The following ITFG1 variants were observed in gnomAD, a reference collection of about 807,000 sequenced individuals.
ITFG1 encodes T-cell immunomodulatory protein.
ITFG1 carries 34 observed loss-of-function variants against 81.8 expected under a neutral mutation model. That is an observed-to-expected ratio of 0.42 (90% CI 0.32 to 0.55). The LOEUF is 0.55. Ranked by LOEUF, ITFG1 falls within the 20% of genes least tolerant of loss-of-function variation. ITFG1 has a pLI of 0.17. For synonymous variants in ITFG1, 285 were observed against 270.6 expected, an observed-to-expected ratio of 1.05 and a Z score of -0.52; for missense variants, 672 against 755.4, an observed-to-expected ratio of 0.89 and a Z score of 1.29.
rs545133606 is a variant in ITFG1, at chr16:47,390,465, T to G, written c.656-14525A>C. Among the ~76,000 whole-genome samples, 8 of 152,306 alleles carry G rather than the reference T, an allele frequency of 5.3e-5. No individual in the cohort carries two copies. The East Asian group carries it at 1.5e-3, about 29-fold the overall frequency. On this transcript the variant is annotated intron_variant, in intron 6 of 17. Coordinates refer to ENST00000320640, the MANE Select transcript of ITFG1 (RefSeq NM_030790.5). ...ATAATAATTCTTGTTTATTATTATT[T>G]ATTTATTTATTGAGATAGAGTCTTA... is the stretch of plus-strand genomic sequence containing the variant.
At chr16:47,206,067 C>A (rs537262474) in intron 14 of ITFG1, among the ~76,000 whole-genome samples, 1 of 152,196 alleles carries the variant, frequency 6.6e-6, no homozygotes, top group East Asian at 1.9e-4. Context: ...GGTTTCACCA[C>A]GTTGGTCTGG....
intron 8 of ITFG1, among the ~76,000 whole-genome samples, chr16:47,363,212 A>G (rs1314017557): frequency 6.7e-6 from 1 of 149,964 alleles, no homozygotes; most frequent in Non-Finnish European, 1.5e-5. Context: ...AAAATTCCTA[A>G]AGACAAGGAT....
At chr16:47,202,055 C>T (rs886331262) in intron 14 of ITFG1, 5 of 152,194 alleles carry the variant, frequency 3.3e-5, no homozygotes, top group Admixed American at 3.3e-4. Context: ...CAGATCAGAA[C>T]ATGCAGGGCT....
intron 14 of ITFG1, among the ~76,000 whole-genome samples, chr16:47,199,834 G>T (rs1187064786): frequency 6.6e-6 from 1 of 152,126 alleles, no homozygotes; most frequent in Non-Finnish European, 1.5e-5. Context: ...CTACAACTAG[G>T]TGGTCCCATC....
chr16:47,159,517 T>G (rs1198924809), intron 16 of ITFG1, among the ~76,000 whole-genome samples: 1 of 152,162 alleles, frequency 6.6e-6, no homozygotes, highest in Non-Finnish European at 1.5e-5. Context: ...TTGGAGTGTT[T>G]ACATTACTAC....
At chr16:47,438,961 TAGAATAAACAATGC>T (rs1969207721) in intron 5 of ITFG1, among the ~76,000 whole-genome samples, 1 of 151,930 alleles carries the variant, frequency 6.6e-6, no homozygotes, top group Non-Finnish European at 1.5e-5. Flanking sequence ...AATGGATAAC[TAGAATAAACAATGC>T]AGAGAAGCCC....
intron 6 of ITFG1, chr16:47,396,140 T>A (rs1968589956): frequency 1.0e-6 from 1 of 984,236 alleles, no homozygotes; most frequent in Non-Finnish European, 1.2e-6. Flanking sequence ...GTGTGGTGGG[T>A]GGTCAGGAGA....
intron 14 of ITFG1, among the ~76,000 whole-genome samples, chr16:47,184,869 A>G (rs375372044): frequency 2.6e-5 from 4 of 152,126 alleles, no homozygotes; most frequent in African/African-American, 4.8e-5. Context: ...TCAGTGTGCT[A>G]TATTCAGAAA....
intron 14 of ITFG1, among the ~76,000 whole-genome samples, chr16:47,205,312 A>C (rs1466140948): frequency 6.6e-6 from 1 of 152,180 alleles, no homozygotes; most frequent in African/African-American, 2.4e-5. Context: ...GCACCCTCCC[A>C]GTTGTGACAA....
In ITFG1 at chr16:47,161,336, C is replaced by T. The variant is rs141470651; in HGVS notation, c.1661+414G>A. Among the ~76,000 whole-genome samples, 36 of 152,310 alleles carry T rather than the reference C, an allele frequency of 2.4e-4. No homozygotes were observed. In the East Asian group the frequency reaches 6.6e-3, roughly 28 times the overall value. On this transcript the variant is annotated intron_variant, in intron 16 of 17. Transcript: ENST00000320640. ...CAGTCAGCCAGCAATGGAGCTGAAT[C>T]ATTTTAGCCTACATCTATTTAACTC...
At chr16:47,396,240 G>C in intron 6 of ITFG1, 3 of 842,536 alleles carry the variant, frequency 3.6e-6, no homozygotes, top group Non-Finnish European at 4.3e-6. Flanking sequence ...AATGGAGTAG[G>C]TACAGCTGTT....
intron 5 of ITFG1, among the ~76,000 whole-genome samples, chr16:47,438,848 G>A (rs907060012): frequency 2.5e-4 from 38 of 152,320 alleles, no homozygotes; most frequent in Non-Finnish European, 3.1e-4. Context: ...TGACTTTGAC[G>A]AGTTGAGAGA....
At chr16:47,428,340 A>T (rs911872438) in intron 6 of ITFG1, among the ~76,000 whole-genome samples, 3 of 152,198 alleles carry the variant, frequency 2.0e-5, no homozygotes, top group African/African-American at 7.2e-5. Flanking sequence ...TAATTGTTGA[A>T]GCTAGGTGAC....
chr16:47,190,570 T>G (rs1385219003), intron 14 of ITFG1, among the ~76,000 whole-genome samples: 1 of 152,178 alleles, frequency 6.6e-6, no homozygotes, highest in African/African-American at 2.4e-5. Flanking sequence ...TTTAAACTCT[T>G]AAATTGTCAC....
intron 16 of ITFG1, among the ~76,000 whole-genome samples, chr16:47,159,942 G>T (rs1378245602): frequency 1.3e-5 from 2 of 151,918 alleles, no homozygotes; most frequent in Non-Finnish European, 2.9e-5. Context: ...AATTTGAAAA[G>T]AACATTTCTT....
chr16:47,292,353 A>T (rs1030171732), intron 10 of ITFG1, among the ~76,000 whole-genome samples: 29 of 152,056 alleles, frequency 1.9e-4, no homozygotes, highest in African/African-American at 7.0e-4. Flanking sequence ...CCCTATATTG[A>T]TGTCTCTGTA....
chr16:47,371,288 C>T (rs1206291488), intron 7 of ITFG1, among the ~76,000 whole-genome samples: 4 of 152,190 alleles, frequency 2.6e-5, no homozygotes, highest in Non-Finnish European at 4.4e-5. Flanking sequence ...TGTATTTTTA[C>T]AAGGATTTTG....
intron 8 of ITFG1, among the ~76,000 whole-genome samples, chr16:47,333,732 C>A (rs896503432): frequency 6.6e-6 from 1 of 152,180 alleles, no homozygotes; most frequent in African/African-American, 2.4e-5. Context: ...GTTTTCTAAT[C>A]CACAAAAGAA....
intron 10 of ITFG1, among the ~76,000 whole-genome samples, chr16:47,261,740 C>T (rs992245156): frequency 6.6e-6 from 1 of 152,212 alleles, no homozygotes; most frequent in Non-Finnish European, 1.5e-5. Context: ...GGTGCAATCT[C>T]GCCTCACTGC....
Sources: allele counts gnomAD v4.1 joint callset (sites outside exome capture counted in the v4.1 genomes callset), GRCh38; gene constraint gnomAD v4.1.1; transcripts MANE v1.5; gene names NCBI Gene and HGNC (gene_info 2026-07-23, HGNC 2026-07-21).